Variants in ITGA11 observed in about 807,000 individuals in gnomAD.
ITGA11 encodes the protein integrin alpha-11.
In ITGA11, 97 loss-of-function variants were observed where a neutral mutation model predicts 141.9. That is an observed-to-expected ratio of 0.68 (90% confidence interval 0.58 to 0.81). ITGA11 has a LOEUF of 0.81. ITGA11 is among the 30% of genes least tolerant of loss of function. ITGA11 has a pLI of 0.00. For missense variants in ITGA11, 1,387 were observed against 1,559.2 expected (o/e 0.89, Z 1.86); for synonymous variants, 658 against 624.6 (o/e 1.05, Z -0.80).
At chr15:68,365,208 C>T (rs1240340920) in intron 3 of ITGA11, 2 of 985,330 alleles carry the variant, frequency 2.0e-6, no homozygotes, top group African/African-American at 3.5e-5. Flanking sequence ...CCCCCATCCA[C>T]ACTTAACCAG....
intron 2 of ITGA11, 79 bp from the exon 3 acceptor site, chr15:68,369,363 G>A (rs908055086): frequency 3.3e-6 from 2 of 599,350 alleles, no homozygotes; most frequent in African/African-American, 1.9e-5. Context: ...GGTGGGCAGT[G>A]TGGAGGTGAA....
At chr15:68,423,713 G>A (rs1429772842) in intron 1 of ITGA11, among the ~76,000 whole-genome samples, 1 of 152,154 alleles carries the variant, frequency 6.6e-6, no homozygotes, top group Non-Finnish European at 1.5e-5. Flanking sequence ...TGGATGAATG[G>A]GGGCAAGAGG....
intron 5 of ITGA11, among the ~76,000 whole-genome samples, chr15:68,360,720 GCCT>G (rs910868321): frequency 3.3e-5 from 5 of 152,158 alleles, no homozygotes; most frequent in African/African-American, 1.2e-4. Flanking sequence ...CTGACCTCAG[GCCT>G]CCTCCTGTGC....
In ITGA11 at chr15:68,328,003, C is replaced by A. The variant is rs1894034492; in HGVS notation, c.2068+93G>T. 2 of 1,305,368 alleles carry A rather than the reference C, an allele frequency of 1.5e-6. No individual in the cohort carries two copies. Among genetic ancestry groups the A allele is most frequent in the Non-Finnish European group, 2.1e-6 (2 of 958,526 alleles). The allele number at this position is 1,305,368 out of a possible 1,614,324, so 80.9% of individuals were successfully genotyped here. A position where few individuals can be genotyped will look rare whatever the true frequency, so the allele number is the denominator to read the frequency against. ...CTCTTGGGCGACCTGGCACTTAGCA[C>A]CCATTTTGGGAAAAGCCCAGGCTTT... On this transcript the variant is annotated intron_variant, in intron 16 of 29. Coordinates refer to ENST00000315757, the MANE Select transcript of ITGA11 (RefSeq NM_001004439.2). The surrounding 1 kb of genome is among the most constrained non-coding windows in gnomAD (Gnocchi z 4.8).
intron 1 of ITGA11, among the ~76,000 whole-genome samples, chr15:68,418,115 T>C (rs544544594): frequency 6.6e-5 from 10 of 152,188 alleles, no homozygotes; most frequent in Non-Finnish European, 1.2e-4. Context: ...TCATGGTAAT[T>C]GGCAAATACT....
intron 1 of ITGA11, among the ~76,000 whole-genome samples, chr15:68,424,339 T>C (rs1182378779): frequency 6.6e-6 from 1 of 152,160 alleles, no homozygotes; most frequent in Non-Finnish European, 1.5e-5. Context: ...ACCACTGGTG[T>C]TGTGTGACCC....
At position 68,402,991 on chromosome 15, in the gene ITGA11, G is replaced by A. The variant is rs572157984; in HGVS notation, c.91C>T (p.Arg31Trp). Reference sequence around the variant, plus strand: ...GCGGTCCTGGAGCCAGGGATGACCCGGGGCTTCCTGGTGTCCATGTTGAAG... The same window carrying A: ...GCGGTCCTGGAGCCAGGGATGACCCAGGGCTTCCTGGTGTCCATGTTGAAG... ...DTFNMDTRKP[R>W]VIPGSRTAFF... Residue 31 changes from arginine to tryptophan, a missense_variant, in exon 2 of 30, where the codon CGG becomes TGG. Transcript: ENST00000315757. 28 of 1,613,402 alleles carry A rather than the reference G, an allele frequency of 1.7e-5. No homozygotes were observed. The highest frequency in any genetic ancestry group is 8.9e-5 in the East Asian group (4 of 44,876).
chr15:68,316,199 G>C (rs1893569281), intron 21 of ITGA11, among the ~76,000 whole-genome samples: 1 of 152,224 alleles, frequency 6.6e-6, no homozygotes, highest in Non-Finnish European at 1.5e-5. Flanking sequence ...AGATGGCCCA[G>C]AGAGGGATGA....
At chr15:68,415,497 C>G (rs1427795965) in intron 1 of ITGA11, among the ~76,000 whole-genome samples, 1 of 152,194 alleles carries the variant, frequency 6.6e-6, no homozygotes, top group Admixed American at 6.5e-5. Flanking sequence ...GAGCACACCC[C>G]TCATTTCTTA....
intron 1 of ITGA11, among the ~76,000 whole-genome samples, chr15:68,416,654 G>A (rs934377147): frequency 3.3e-5 from 5 of 152,148 alleles, no homozygotes; most frequent in Admixed American, 2.0e-4. Flanking sequence ...GGCTGGGTGC[G>A]GTGGCTCACA....
chr15:68,377,157 T>A (rs767610988), intron 2 of ITGA11, among the ~76,000 whole-genome samples: 3 of 152,238 alleles, frequency 2.0e-5, no homozygotes, highest in Non-Finnish European at 1.5e-5. Flanking sequence ...TAATAAATAA[T>A]CCTTTAATTG....
intron 3 of ITGA11, among the ~76,000 whole-genome samples, chr15:68,368,627 G>A (rs1038465055): frequency 6.6e-6 from 1 of 152,210 alleles, no homozygotes; most frequent in Non-Finnish European, 1.5e-5. Context: ...GGAGGCCATA[G>A]CCTGCATGAA....
At chr15:68,358,311 G>A (rs917826519) in intron 6 of ITGA11, 147 bp downstream of exon 6, 10 of 753,416 alleles carry the variant, frequency 1.3e-5, no homozygotes, top group Non-Finnish European at 2.1e-5. Context: ...GAGCTGCAGT[G>A]CCCCAGTGCT....
Position 68,335,745 on chromosome 15 carries a change from C to T in ITGA11, c.1377G>A (p.Met459Ile). Residue 459 changes from methionine (M) to isoleucine (I), a missense_variant, in exon 12 of 30, where the codon ATG becomes ATA. By Grantham distance (10) the Met-to-Ile change is conservative. Transcript: ENST00000315757. The surrounding 1 kb of genome is among the most constrained non-coding windows in gnomAD (Gnocchi z 4.9). ...NHTGKVILFT[M>I]HNNRSLTIHQ... ...GGATGGTGAGGCTCCGGTTGTTGTG[C>T]ATGGTGAACAGGATGACCTTGCCCG... The T allele has an allele frequency of 6.2e-7, 1 of 1,613,898 alleles. No homozygotes were observed. Among genetic ancestry groups the T allele is most frequent in the Non-Finnish European group, 8.5e-7 (1 of 1,179,852 alleles).
intron 1 of ITGA11, among the ~76,000 whole-genome samples, chr15:68,423,160 C>T (rs1439143094): frequency 6.6e-6 from 1 of 152,124 alleles, no homozygotes; most frequent in Non-Finnish European, 1.5e-5. Context: ...GTGCAAGACC[C>T]GGGGATACAG....
At chr15:68,369,101 C>T in intron 3 of ITGA11, 83 bp downstream of exon 3, 1 of 935,914 alleles carries the variant, frequency 1.1e-6, no homozygotes, top group Non-Finnish European at 1.7e-6. Flanking sequence ...TCAGTGTGAC[C>T]ATGGACATGG....
chr15:68,361,526 A>T, intron 5 of ITGA11, 64 bp downstream of exon 5: 1 of 1,081,100 alleles, frequency 9.2e-7, no homozygotes, highest in Non-Finnish European at 1.4e-6. Context: ...TGTTGTGCTC[A>T]GGGCCCAAGT....
Position 68,321,165 on chromosome 15 carries a change from CTTTTTTT to C in ITGA11, c.2408+246_2408+252del, listed in dbSNP as rs75833921. Among the ~76,000 whole-genome samples, 1 of 146,136 alleles carries C rather than the reference CTTTTTTT, an allele frequency of 6.8e-6. No individual in the cohort carries two copies. Among genetic ancestry groups the C allele is most frequent in the African/African-American group, 2.5e-5 (1 of 39,360 alleles). ...AATGTGGGCTCCGAAGAAAGGGTTTCTTTTTTTTTTTTTTTTTAACAAAATTTGAAAT... is the reference window on the plus strand; with the variant it reads ...AATGTGGGCTCCGAAGAAAGGGTTTCTTTTTTTTTTAACAAAATTTGAAAT... On this transcript the variant is annotated intron_variant, in intron 19 of 29. Coordinates refer to ENST00000315757, the MANE Select transcript of ITGA11 (RefSeq NM_001004439.2). The surrounding 1 kb of genome is among the most constrained non-coding windows in gnomAD (Gnocchi z 4.9).
Position 68,325,601 on chromosome 15 carries a change from C to T in ITGA11, c.2212-360G>A, listed in dbSNP as rs114858436. 5.7e-3 allele frequency among the ~76,000 whole-genome samples: 864 copies of T among 151,904 alleles called. 5 individuals carry two copies. The highest frequency in any genetic ancestry group is 0.02 in the African/African-American group (826 of 41,554). ...CCCACCACTCTCTTCAGACCAGTTA[C>T]GCCTGCTGCTCATGTAGCATTTGAA... On this transcript the variant is annotated intron_variant, in intron 17 of 29. Coordinates refer to ENST00000315757, the MANE Select transcript of ITGA11 (RefSeq NM_001004439.2). This position sits in a 1 kb window ranked among gnomAD's most constrained non-coding sequence, Gnocchi z 5.5.
Sources: allele counts gnomAD v4.1 joint callset (sites outside exome capture counted in the v4.1 genomes callset), GRCh38; gene constraint gnomAD v4.1.1; non-coding constraint Gnocchi (gnomAD v3.1); transcripts MANE v1.5; gene names NCBI Gene and HGNC (gene_info 2026-07-23, HGNC 2026-07-21).